The following FSTL4 variants were observed in gnomAD, a reference collection of about 807,000 sequenced individuals.
FSTL4 encodes the protein follistatin-related protein 4.
Under a neutral mutation model 78.2 loss-of-function variants are expected in FSTL4, and 28 were observed. The observed-to-expected ratio is 0.36, with a 90% CI of 0.27 to 0.49. The LOEUF (loss-of-function observed/expected upper bound fraction) is 0.49. Among genes scored for constraint, FSTL4 ranks in the 20% least tolerant of loss-of-function variants. The pLI, the probability that FSTL4 is intolerant of heterozygous loss-of-function variation, is 0.98. For synonymous variants in FSTL4, 422 were observed against 440.5 expected, an observed-to-expected ratio of 0.96 and a Z score of 0.53; for missense variants, 922 against 1,084.9, an observed-to-expected ratio of 0.85 and a Z score of 2.11.
At chr5:133,756,243 A>C in the FSTL4 span, among the ~76,000 whole-genome samples, 1 of 151,948 alleles carries the variant, frequency 6.6e-6, no homozygotes, top group Non-Finnish European at 1.5e-5. Flanking sequence ...ATGTCCTGGG[A>C]TGGGATGTGC....
intron 6 of FSTL4, among the ~76,000 whole-genome samples, chr5:133,295,304 C>T (rs952697343): frequency 6.6e-6 from 1 of 152,146 alleles, no homozygotes; most frequent in Non-Finnish European, 1.5e-5. Context: ...GCCCATCCAT[C>T]TAAGACAATC....
the FSTL4 span, among the ~76,000 whole-genome samples, chr5:133,742,314 C>T: frequency 6.6e-6 from 1 of 152,200 alleles, no homozygotes; most frequent in Non-Finnish European, 1.5e-5. Context: ...CAAACCCCAG[C>T]TTCCCAAAGC....
At chr5:133,469,952 A>C (rs1395892886) in intron 3 of FSTL4, among the ~76,000 whole-genome samples, 1 of 152,142 alleles carries the variant, frequency 6.6e-6, no homozygotes, top group African/African-American at 2.4e-5. Flanking sequence ...AGAAAAAAAA[A>C]ACAGAAGAAT....
At chr5:133,475,727 G>T (rs1357595424) in intron 3 of FSTL4, among the ~76,000 whole-genome samples, 1 of 152,216 alleles carries the variant, frequency 6.6e-6, no homozygotes, top group Non-Finnish European at 1.5e-5. Context: ...ATCGGGTGGT[G>T]CTTCCATCAT....
the FSTL4 span, among the ~76,000 whole-genome samples, chr5:133,807,581 T>C: frequency 6.6e-6 from 1 of 152,198 alleles, no homozygotes; most frequent in African/African-American, 2.4e-5. Flanking sequence ...ACCAGCTGAA[T>C]TGTGCCTCTG....
chr5:133,597,820 A>G (rs866265408), intron 2 of FSTL4, among the ~76,000 whole-genome samples: 4 of 152,238 alleles, frequency 2.6e-5, no homozygotes, highest in Admixed American at 6.5e-5. Flanking sequence ...GCCTAGGGAC[A>G]GAGATGGGAT....
chr5:133,581,866 T>C (rs1031888770), intron 2 of FSTL4, among the ~76,000 whole-genome samples: 3 of 152,166 alleles, frequency 2.0e-5, no homozygotes, highest in African/African-American at 7.2e-5. Flanking sequence ...CCTTACAAAC[T>C]CTTGCCCCAG....
chr5:133,836,543 T>C, the FSTL4 span, among the ~76,000 whole-genome samples: 1 of 152,196 alleles, frequency 6.6e-6, no homozygotes, highest in South Asian at 2.1e-4. Context: ...CACACATGTA[T>C]GTGTGTGGAT....
chr5:133,511,798 A>C (rs1362738314), intron 3 of FSTL4, among the ~76,000 whole-genome samples: 1 of 152,120 alleles, frequency 6.6e-6, no homozygotes. Context: ...GAGGCAGAGG[A>C]AAGAGACAGG....
At chr5:133,522,398 C>CAAA (rs1758999020) in intron 3 of FSTL4, among the ~76,000 whole-genome samples, 1 of 152,220 alleles carries the variant, frequency 6.6e-6, no homozygotes, top group South Asian at 2.1e-4. Flanking sequence ...CTATGTGCCA[C>CAAA]AATCTCTTGG....
At chr5:133,703,021 G>A in the FSTL4 span, among the ~76,000 whole-genome samples, 143 of 152,322 alleles carry the variant, frequency 9.4e-4, no homozygotes, top group African/African-American at 3.4e-3. Flanking sequence ...AGGCCCTGTG[G>A]GCAGGAGAGC....
intron 4 of FSTL4, among the ~76,000 whole-genome samples, chr5:133,329,394 G>A (rs942917045): frequency 6.6e-6 from 1 of 151,712 alleles, no homozygotes; most frequent in African/African-American, 2.4e-5. Flanking sequence ...TCAAAAGAGA[G>A]AGAGAGATAT....
intron 12 of FSTL4, among the ~76,000 whole-genome samples, chr5:133,218,563 C>A (rs1750989937): frequency 6.6e-6 from 1 of 152,198 alleles, no homozygotes; most frequent in Non-Finnish European, 1.5e-5. Flanking sequence ...TGCTGCTTTT[C>A]TCTCTTACCC....
chr5:133,647,936 C>T, the FSTL4 span, among the ~76,000 whole-genome samples: 1 of 152,070 alleles, frequency 6.6e-6, no homozygotes, highest in Non-Finnish European at 1.5e-5. Context: ...CAGGTCTTTC[C>T]CGTGCTGTTC....
chr5:133,705,497 A>T, the FSTL4 span, among the ~76,000 whole-genome samples: 3 of 152,140 alleles, frequency 2.0e-5, no homozygotes, highest in Non-Finnish European at 2.9e-5. Flanking sequence ...GCCTCTGTGC[A>T]GGTTCCTGCT....
intron 3 of FSTL4, among the ~76,000 whole-genome samples, chr5:133,481,552 A>G (rs1220417625): frequency 5.3e-5 from 8 of 151,874 alleles, no homozygotes; most frequent in Non-Finnish European, 1.0e-4. Context: ...AAAAAAAAAA[A>G]AAAAAAAAGC....
At chr5:133,483,298 G>A (rs551628655) in intron 3 of FSTL4, among the ~76,000 whole-genome samples, 5 of 152,248 alleles carry the variant, frequency 3.3e-5, no homozygotes, top group Admixed American at 6.5e-5. Flanking sequence ...TTTCTTCATA[G>A]CAATAAGAAA....
At chr5:133,258,305 G>A (rs1046110486) in intron 6 of FSTL4, among the ~76,000 whole-genome samples, 2 of 152,202 alleles carry the variant, frequency 1.3e-5, no homozygotes, top group African/African-American at 4.8e-5. Context: ...TCCTGGGTGT[G>A]TCTGTGAGGG....
At chr5:133,638,181 G>A in the FSTL4 span, among the ~76,000 whole-genome samples, 1 of 151,426 alleles carries the variant, frequency 6.6e-6, no homozygotes, top group East Asian at 1.9e-4. Context: ...TCCCAATATA[G>A]CCTAAATCTG....
Sources: allele counts gnomAD v4.1 joint callset (sites outside exome capture counted in the v4.1 genomes callset), GRCh38; gene constraint gnomAD v4.1.1; transcripts MANE v1.5; gene names NCBI Gene and HGNC (gene_info 2026-07-23, HGNC 2026-07-21).